The following C1QTNF3 variants were observed in gnomAD, a reference collection of about 807,000 sequenced individuals.
The protein encoded by C1QTNF3 is complement C1q tumor necrosis factor-related protein 3.
Under a neutral mutation model 32.6 loss-of-function variants are expected in C1QTNF3, and 26 were observed. That is an observed-to-expected ratio of 0.80 (90% CI 0.58 to 1.11). The LOEUF is 1.11. C1QTNF3 is among the 50% of genes least tolerant of loss of function. The probability of loss-of-function intolerance (pLI) is 0.00; values close to 1 mark genes in which losing one functional copy is unlikely to be tolerated. For missense variants in C1QTNF3, 362 were observed against 398.2 expected, an observed-to-expected ratio of 0.91 and a Z score of 0.77; for synonymous variants, 155 against 146.0, an observed-to-expected ratio of 1.06 and a Z score of -0.44.
chr5:34,164,158 A>G, the C1QTNF3 span, among the ~76,000 whole-genome samples: 2 of 152,160 alleles, frequency 1.3e-5, no homozygotes. Context: ...GCCCTTAGTG[A>G]GTTGGCAGGT....
At chr5:34,080,982 C>T in the C1QTNF3 span, among the ~76,000 whole-genome samples, 32 of 151,818 alleles carry the variant, frequency 2.1e-4, 1 homozygote, top group Middle Eastern at 3.4e-3. Flanking sequence ...AAACCTTTCT[C>T]TAGATCAGTC....
At chr5:34,185,577 G>A in the C1QTNF3 span, among the ~76,000 whole-genome samples, 1 of 152,360 alleles carries the variant, frequency 6.6e-6, no homozygotes, top group African/African-American at 2.4e-5. Context: ...AATTTAAATG[G>A]CAAAACAACC....
chr5:34,207,694 T>C, the C1QTNF3 span, among the ~76,000 whole-genome samples: 3 of 152,264 alleles, frequency 2.0e-5, no homozygotes, highest in East Asian at 3.9e-4. Context: ...TCCCAAACTC[T>C]AAAGAGGTTC....
At chr5:34,226,815 G>C in the C1QTNF3 span, among the ~76,000 whole-genome samples, 2 of 150,744 alleles carry the variant, frequency 1.3e-5, no homozygotes, top group Non-Finnish European at 3.0e-5. Context: ...AGAAAAGAAA[G>C]TGTTATTAAG....
chr5:34,134,718 CTGTT>C, the C1QTNF3 span, among the ~76,000 whole-genome samples: 13 of 152,202 alleles, frequency 8.5e-5, no homozygotes, highest in South Asian at 2.1e-3. Flanking sequence ...ATTTGGCTCT[CTGTT>C]TGTCTGTTAT....
the C1QTNF3 span, among the ~76,000 whole-genome samples, chr5:34,207,562 A>C: frequency 0.12 from 18,015 of 151,908 alleles, 2,878 homozygotes; most frequent in African/African-American, 0.37. Context: ...AATGTAAATA[A>C]TATACTCAGC....
chr5:34,158,630 TTAAAA>T, the C1QTNF3 span: 46 of 152,290 alleles, frequency 3.0e-4, 1 homozygote, highest in Non-Finnish European at 5.9e-5. Context: ...TTAATTTCTC[TTAAAA>T]TAATTTATTT....
chr5:34,194,399 C>A, the C1QTNF3 span, among the ~76,000 whole-genome samples: 26 of 151,622 alleles, frequency 1.7e-4, no homozygotes, highest in African/African-American at 6.3e-4. Context: ...TTAAGAGAAG[C>A]AAGACCATTA....
chr5:34,240,365 T>C, the C1QTNF3 span, among the ~76,000 whole-genome samples: 1 of 151,628 alleles, frequency 6.6e-6, no homozygotes. Context: ...AAGAGATTGA[T>C]AGACCTTTAG....
At chr5:34,166,049 A>C in the C1QTNF3 span, 1 of 149,536 alleles carries the variant, frequency 6.7e-6, no homozygotes, top group South Asian at 2.1e-4. Context: ...TCTACATCCA[A>C]ATATTGATTT....
intron 3 of C1QTNF3, among the ~76,000 whole-genome samples, chr5:34,031,545 G>A (rs1579604172): frequency 6.6e-6 from 1 of 152,104 alleles, no homozygotes; most frequent in East Asian, 1.9e-4. Context: ...TTATTAAACA[G>A]CATTTGGCTA....
chr5:34,135,031 C>T, the C1QTNF3 span, among the ~76,000 whole-genome samples: 5,923 of 152,028 alleles, frequency 0.039, 302 homozygotes, highest in African/African-American at 0.11. Flanking sequence ...CAGTTTTTGC[C>T]CAGTGTGATA....
At chr5:34,132,005 A>T in the C1QTNF3 span, among the ~76,000 whole-genome samples, 1 of 152,226 alleles carries the variant, frequency 6.6e-6, no homozygotes, top group Admixed American at 6.5e-5. Context: ...ATAAATTTAC[A>T]TAGTTAAAAT....
At chr5:34,079,952 A>G in the C1QTNF3 span, among the ~76,000 whole-genome samples, 1 of 151,700 alleles carries the variant, frequency 6.6e-6, no homozygotes, top group African/African-American at 2.4e-5. Flanking sequence ...TAATAAATAA[A>G]CAAGAAGGAA....
chr5:34,120,314 A>G, the C1QTNF3 span, among the ~76,000 whole-genome samples: 1 of 152,066 alleles, frequency 6.6e-6, no homozygotes, highest in South Asian at 2.1e-4. Context: ...AGTTTTTTAT[A>G]TTCTTACTTT....
chr5:34,147,147 T>A, the C1QTNF3 span, among the ~76,000 whole-genome samples: 17 of 108,324 alleles, frequency 1.6e-4, no homozygotes, highest in South Asian at 3.0e-4. Context: ...GTAAAAAAAA[T>A]AATAATAATA....
the C1QTNF3 span, among the ~76,000 whole-genome samples, chr5:34,243,271 A>C: frequency 6.6e-6 from 1 of 152,252 alleles, no homozygotes; most frequent in South Asian, 2.1e-4. Flanking sequence ...ATGCCATCTC[A>C]CATCAGTCAC....
At chr5:34,070,483 T>C in the C1QTNF3 span, among the ~76,000 whole-genome samples, 1 of 152,210 alleles carries the variant, frequency 6.6e-6, no homozygotes, top group Non-Finnish European at 1.5e-5. Context: ...CAGTTTTTAT[T>C]AAATTGTCTG....
At chr5:34,178,421 A>T in the C1QTNF3 span, among the ~76,000 whole-genome samples, 1 of 152,226 alleles carries the variant, frequency 6.6e-6, no homozygotes, top group African/African-American at 2.4e-5. Context: ...CAAACAGAAC[A>T]GTGCAGTCCA....
Sources: gnomAD v4.1 joint callset for allele counts (sites outside exome capture counted in the v4.1 genomes callset) on GRCh38, gnomAD v4.1.1 for gene constraint, MANE v1.5 for transcripts, NCBI Gene and HGNC (gene_info 2026-07-23, HGNC 2026-07-21) for gene names.